Variants in DISC1 observed in about 807,000 individuals in gnomAD.
The protein encoded by DISC1 is disrupted in schizophrenia 1 protein.
A neutral mutation model predicts 84.5 loss-of-function variants in DISC1; 57 were observed. The ratio of observed to expected loss-of-function variants is 0.67; its 90% CI spans 0.55 to 0.84. The LOEUF is 0.84. Ranked by LOEUF, DISC1 falls within the 40% of genes least tolerant of loss-of-function variation. The pLI, the probability that DISC1 is intolerant of heterozygous loss-of-function variation, is 0.00. For missense variants in DISC1, 1,000 were observed against 1,057.8 expected, an observed-to-expected ratio of 0.95 and a Z score of 0.76; for synonymous variants, 411 against 415.2, an observed-to-expected ratio of 0.99 and a Z score of 0.12.
chr1:231,849,122 A>T (rs1292907666), intron 9 of DISC1, among the ~76,000 whole-genome samples: 37 of 141,510 alleles, frequency 2.6e-4, no homozygotes, highest in Middle Eastern at 3.7e-3. Context: ...TATTATCCTC[A>T]TTTTTTTTTT....
At chr1:232,024,413 T>G (rs59783727) in intron 11 of DISC1, among the ~76,000 whole-genome samples, 3,638 of 152,252 alleles carry the variant, frequency 0.024, 160 homozygotes, top group African/African-American at 0.083. Flanking sequence ...AATTATATAC[T>G]TGGATTTAAT....
At chr1:231,983,616 GGGGTTGGGGGGAA>G (rs1221678998) in intron 10 of DISC1, among the ~76,000 whole-genome samples, 2 of 119,790 alleles carry the variant, frequency 1.7e-5, no homozygotes, top group Non-Finnish European at 3.5e-5. Context: ...AGGGGGTTGG[GGGGTTGGGGGGAA>G]GGGTTGGGGG....
chr1:231,652,072 CG>C (rs1028108354), intron 1 of DISC1, among the ~76,000 whole-genome samples: 1 of 152,216 alleles, frequency 6.6e-6, no homozygotes, highest in Non-Finnish European at 1.5e-5. Context: ...CGCCCTGCTT[CG>C]GCTCACCCTG....
At chr1:231,638,465 T>A (rs1395411551) in intron 1 of DISC1, among the ~76,000 whole-genome samples, 1 of 152,162 alleles carries the variant, frequency 6.6e-6, no homozygotes, top group Non-Finnish European at 1.5e-5. Flanking sequence ...ATGTTTATAG[T>A]TTTGGGTCTT....
At chr1:231,639,548 A>G (rs1300811161) in intron 1 of DISC1, among the ~76,000 whole-genome samples, 1 of 152,330 alleles carries the variant, frequency 6.6e-6, no homozygotes, top group Non-Finnish European at 1.5e-5. Flanking sequence ...CTTGCTTGCT[A>G]TTGTTGTGGA....
chr1:231,696,782 A>G (rs115589571), intron 2 of DISC1, among the ~76,000 whole-genome samples: 3 of 152,386 alleles, frequency 2.0e-5, no homozygotes, highest in African/African-American at 7.2e-5. Flanking sequence ...GCCAAGGAGC[A>G]ATAGACTATT....
chr1:231,745,230 GT>G (rs937741858), intron 3 of DISC1, among the ~76,000 whole-genome samples: 2 of 150,124 alleles, frequency 1.3e-5, no homozygotes, highest in African/African-American at 4.9e-5. Flanking sequence ...TTATTTTCTT[GT>G]TTTTTTTTGA....
intron 9 of DISC1, among the ~76,000 whole-genome samples, chr1:231,878,437 G>A (rs1382336490): frequency 6.6e-6 from 1 of 152,134 alleles, no homozygotes; most frequent in Non-Finnish European, 1.5e-5. Context: ...AGACTGCAAG[G>A]CCGCAGGGGG....
At chr1:231,644,327 C>T (rs1201728589) in intron 1 of DISC1, among the ~76,000 whole-genome samples, 1 of 152,024 alleles carries the variant, frequency 6.6e-6, no homozygotes. Context: ...TGTAGGCTGG[C>T]CTTTCACTTA....
At chr1:232,008,054 G>A (rs188033240) in intron 10 of DISC1, among the ~76,000 whole-genome samples, 1 of 152,244 alleles carries the variant, frequency 6.6e-6, no homozygotes, top group Admixed American at 6.5e-5. Flanking sequence ...GTTTCTTGAG[G>A]CCTCCCCAGC....
Position 231,698,574 on chromosome 1 carries a change from G to A in DISC1, c.1048-3381G>A, listed in dbSNP as rs201127325. On this transcript the variant is annotated intron_variant, in intron 2 of 12. Transcript: ENST00000439617. The surrounding 1 kb of genome is among the most constrained non-coding windows in gnomAD (Gnocchi z 4.9). Reference sequence around the variant, plus strand: ...CTGGGGCTGTGCCTCCAGCAAAGACGGGTATTCAGACATATCTCAGGGCAG... The same window carrying A: ...CTGGGGCTGTGCCTCCAGCAAAGACAGGTATTCAGACATATCTCAGGGCAG... 5.0e-4 allele frequency among the ~76,000 whole-genome samples: 76 copies of A among 152,132 alleles called. No homozygotes were observed. Among genetic ancestry groups the A allele is most frequent in the Non-Finnish European group, 8.7e-4 (59 of 68,040 alleles).
At chr1:231,800,892 G>A (rs2079178504) in intron 8 of DISC1, among the ~76,000 whole-genome samples, 2 of 151,428 alleles carry the variant, frequency 1.3e-5, no homozygotes, top group African/African-American at 4.9e-5. Context: ...GCAGATCTGG[G>A]GCTAAAGTCC....
intron 9 of DISC1, among the ~76,000 whole-genome samples, chr1:231,869,841 T>C (rs554607407): frequency 9.2e-5 from 14 of 152,246 alleles, no homozygotes; most frequent in Admixed American, 2.6e-4. Flanking sequence ...GATGAAATTG[T>C]TTGGGCCTTG....
chr1:232,038,799 A>G lies in DISC1; in HGVS notation c.*1968A>G, dbSNP rs140824380. The G allele has an allele frequency of 1.8e-3, 281 of 152,230 alleles. No individual in the cohort carries two copies. The highest frequency in any genetic ancestry group is 6.5e-3 in the African/African-American group (268 of 41,526). 9.4% of individuals were successfully genotyped at this position (152,230 alleles called of 1,614,324 possible). ...TCTGTTCTCATTTATGTGTTTAGGG[A>G]TAGTGAGGTTCCTGCCTTCACTAGG... On this transcript the variant is annotated 3_prime_UTR_variant, in exon 13 of 13. Transcript: ENST00000439617.
chr1:231,667,941 A>C (rs1053829937), intron 1 of DISC1, among the ~76,000 whole-genome samples: 1 of 152,004 alleles, frequency 6.6e-6, no homozygotes, highest in African/African-American at 2.4e-5. Context: ...CTGTAATGCA[A>C]GCTACTTGGG....
intron 3 of DISC1, chr1:231,722,411 TC>T: frequency 6.8e-7 from 1 of 1,464,656 alleles, no homozygotes; most frequent in Admixed American, 1.9e-5. Flanking sequence ...AATAGATCTT[TC>T]TACTTATCCA....
chr1:231,795,183 G>C, intron 6 of DISC1, 59 bp from the exon 7 acceptor site: 3 of 1,509,012 alleles, frequency 2.0e-6, no homozygotes, highest in Non-Finnish European at 2.8e-6. Flanking sequence ...GTTCCTAACT[G>C]TAGTGGTATT....
intron 9 of DISC1, among the ~76,000 whole-genome samples, chr1:231,956,594 G>T (rs540101982): frequency 6.6e-6 from 1 of 152,170 alleles, no homozygotes; most frequent in East Asian, 1.9e-4. Flanking sequence ...TCAAAATCCT[G>T]ATAGTGGCTT....
chr1:231,795,008 G>C (rs1365687268), intron 6 of DISC1, among the ~76,000 whole-genome samples: 1 of 152,128 alleles, frequency 6.6e-6, no homozygotes, highest in African/African-American at 2.4e-5. Flanking sequence ...TACACTCTGG[G>C]CATGATAAAA....
Sources: gnomAD v4.1 joint callset for allele counts (sites outside exome capture counted in the v4.1 genomes callset) on GRCh38, gnomAD v4.1.1 for gene constraint, Gnocchi (gnomAD v3.1) non-coding constraint, MANE v1.5 for transcripts, NCBI Gene and HGNC (gene_info 2026-07-23, HGNC 2026-07-21) for gene names.